The following XK variants were observed in gnomAD, a reference collection of about 807,000 sequenced individuals.
XK encodes the protein X-linked Kx blood group antigen, Kell and VPS13A binding protein, also known as endoplasmic reticulum membrane adapter protein XK.
In XK, 2 loss-of-function variants were observed where a neutral mutation model predicts 14.0. The ratio of observed to expected loss-of-function variants is 0.14; its 90% confidence interval spans 0.06 to 0.45. XK has a LOEUF of 0.45. Ranked by LOEUF, XK falls within the 20% of genes least tolerant of loss-of-function variation. The pLI is 0.98. For missense variants in XK, 235 were observed against 341.5 expected, an observed-to-expected ratio of 0.69 and a Z score of 2.46; for synonymous variants, 149 against 147.5, an observed-to-expected ratio of 1.01 and a Z score of -0.08.
Position 37,685,928 on chromosome X carries a change from GT to G in XK, c.-33del. The G allele has an allele frequency of 8.4e-7, 1 of 1,192,891 alleles. No homozygotes were observed. The highest frequency in any genetic ancestry group is 1.1e-6 in the Non-Finnish European group (1 of 887,602). ...ACAGCCACACAGCCGCCGCCACTGC[GT>G]CCGTCCCCGGTGAGCGCCGCTGACG... On this transcript the variant is annotated 5_prime_UTR_variant, in exon 1 of 3. It introduces an in-frame stop codon into an upstream open reading frame of the 5' UTR. Coordinates refer to ENST00000378616, the MANE Select transcript of XK (RefSeq NM_021083.4).
chrX:37,719,638 T>C (rs1927831359), intron 2 of XK, among the ~76,000 whole-genome samples: 1 of 111,283 alleles, frequency 9.0e-6, no homozygotes, highest in Admixed American at 9.6e-5. Flanking sequence ...AGTTCTAGAA[T>C]TGTCATTTGA....
At position 37,694,335 on chromosome X, in the gene XK, C is replaced by G. The variant is rs371253404; in HGVS notation, c.295C>G (p.Pro99Ala). 29 of 1,210,161 alleles carry G rather than the reference C, an allele frequency of 2.4e-5. No homozygotes were observed. The highest frequency in any genetic ancestry group is 1.5e-4 in the Admixed American group (7 of 45,857). ...IYFQSGNNEE[P>A]YVSITKKRQM... ...CTTTCAGTCAGGCAACAATGAAGAGCCTTATGTCAGTATCACCAAGAAGAG... is the reference window on the plus strand; with the variant it reads ...CTTTCAGTCAGGCAACAATGAAGAGGCTTATGTCAGTATCACCAAGAAGAG... Residue 99 changes from proline to alanine, a missense_variant, in exon 2 of 3, where the codon CCT becomes GCT. Physicochemically the swap from Pro to Ala is conservative, Grantham distance 27 (BLOSUM62 -1). Transcript: ENST00000378616.
chrX:37,712,979 C>T (rs982999138), intron 2 of XK, among the ~76,000 whole-genome samples: 21 of 111,829 alleles, frequency 1.9e-4, no homozygotes, highest in East Asian at 2.8e-4. Flanking sequence ...CAGGCACTTT[C>T]CATCTTTTTA....
intron 2 of XK, among the ~76,000 whole-genome samples, chrX:37,713,908 A>G (rs1927715074): frequency 8.9e-6 from 1 of 112,173 alleles, no homozygotes; most frequent in Non-Finnish European, 1.9e-5. Flanking sequence ...ACCTGGGATC[A>G]TCTTCCTTGA....
chrX:37,692,734 A>G (rs1225022230), intron 1 of XK, among the ~76,000 whole-genome samples: 2 of 112,127 alleles, frequency 1.8e-5, no homozygotes, highest in African/African-American at 6.5e-5. Context: ...TGATGTGATC[A>G]GTGGTCCAAC....
intron 2 of XK, among the ~76,000 whole-genome samples, chrX:37,710,465 A>G (rs1478027535): frequency 1.8e-5 from 2 of 111,708 alleles, no homozygotes; most frequent in Admixed American, 9.5e-5. Context: ...TTGCTCATAC[A>G]GATGTGAACC....
chrX:37,702,791 G>A, intron 2 of XK, among the ~76,000 whole-genome samples: 1 of 112,636 alleles, frequency 8.9e-6, no homozygotes, highest in East Asian at 2.8e-4. Context: ...ACAGTACTCA[G>A]AACAATCAAT....
At chrX:37,687,217 ACACACACACG>A (rs1927099351) in intron 1 of XK, among the ~76,000 whole-genome samples, 1 of 107,411 alleles carries the variant, frequency 9.3e-6, no homozygotes, top group Non-Finnish European at 1.9e-5. Context: ...ACACACACAC[ACACACACACG>A]CACACACACA....
chrX:37,717,597 C>T (rs782658995), intron 2 of XK, among the ~76,000 whole-genome samples: 12 of 111,681 alleles, frequency 1.1e-4, no homozygotes, highest in Non-Finnish European at 2.3e-4. Flanking sequence ...AACAAAATCA[C>T]TCAGGACCTC....
chrX:37,723,659 G>T (rs1927921087), intron 2 of XK, among the ~76,000 whole-genome samples: 1 of 110,931 alleles, frequency 9.0e-6, no homozygotes, highest in East Asian at 2.8e-4. Flanking sequence ...CCATAGTATT[G>T]CTTAAAGCAA....
chrX:37,727,629 T>C lies in XK; in HGVS notation c.509-7T>C, dbSNP rs1267363637. 2.5e-6 allele frequency: 3 copies of C among 1,197,882 alleles called. No homozygotes were observed. Among genetic ancestry groups the C allele is most frequent in the Non-Finnish European group, 3.4e-6 (3 of 888,149 alleles). Reference sequence around the variant, plus strand: ...AGACTTGATGATACTCTCTCTTTTCTCCCCAGGTCTCCTCATGACCATATC... The same window carrying C: ...AGACTTGATGATACTCTCTCTTTTCCCCCCAGGTCTCCTCATGACCATATC... On this transcript the variant is annotated splice_region_variant and splice_polypyrimidine_tract_variant and intron_variant, in intron 2 of 2. Coordinates refer to ENST00000378616, the MANE Select transcript of XK (RefSeq NM_021083.4).
At chrX:37,714,698 G>C (rs1174289754) in intron 2 of XK, among the ~76,000 whole-genome samples, 1 of 111,589 alleles carries the variant, frequency 9.0e-6, no homozygotes, top group Admixed American at 9.5e-5. Flanking sequence ...CTATCTAACA[G>C]TTGCTCACCT....
chrX:37,689,840 G>T (rs1408327888), intron 1 of XK, among the ~76,000 whole-genome samples: 2 of 112,064 alleles, frequency 1.8e-5, no homozygotes, highest in Admixed American at 1.9e-4. Flanking sequence ...GCAGGGAAAA[G>T]ATCTCTTACC....
intron 2 of XK, among the ~76,000 whole-genome samples, chrX:37,700,150 A>C (rs1335210167): frequency 9.0e-6 from 1 of 111,522 alleles, no homozygotes; most frequent in Non-Finnish European, 1.9e-5. Context: ...CTGATGGCCA[A>C]CATCCTGGAG....
At chrX:37,698,592 G>A (rs72619422) in intron 2 of XK, among the ~76,000 whole-genome samples, 19,930 of 98,937 alleles carry the variant, frequency 0.2, 1,826 homozygotes, top group African/African-American at 0.3. Context: ...TGTACTTATA[G>A]TCAGATAGAG....
intron 2 of XK, among the ~76,000 whole-genome samples, chrX:37,720,966 G>A (rs782705820): frequency 6.3e-5 from 7 of 111,295 alleles, no homozygotes; most frequent in Non-Finnish European, 1.3e-4. Context: ...ATAGTGCTAC[G>A]ATAAACATAT....
intron 1 of XK, among the ~76,000 whole-genome samples, 162 bp downstream of exon 1, chrX:37,686,368 A>C (rs1927076949): frequency 8.9e-6 from 1 of 112,450 alleles, no homozygotes; most frequent in African/African-American, 3.2e-5. Context: ...CCAGTCAGGA[A>C]CGCGACGAAT....
At chrX:37,687,270 T>C (rs1556440495) in intron 1 of XK, among the ~76,000 whole-genome samples, 1 of 106,256 alleles carries the variant, frequency 9.4e-6, no homozygotes, top group Admixed American at 1.0e-4. Context: ...TACAAAGTTA[T>C]AATTTTTTTT....
At chrX:37,724,096 G>C (rs1927930875) in intron 2 of XK, among the ~76,000 whole-genome samples, 1 of 111,354 alleles carries the variant, frequency 9.0e-6, no homozygotes, top group South Asian at 3.7e-4. Context: ...CTGATGCTTT[G>C]AGTAAGAGTG....
Sources: gnomAD v4.1 joint callset for allele counts (sites outside exome capture counted in the v4.1 genomes callset) on GRCh38, gnomAD v4.1.1 for gene constraint, MANE v1.5 for transcripts, NCBI Gene and HGNC (gene_info 2026-07-23, HGNC 2026-07-21) for gene names.